Variants in SGMS1 observed in about 807,000 individuals in gnomAD.
The protein encoded by SGMS1 is phosphatidylcholine:ceramide cholinephosphotransferase 1.
SGMS1 carries 13 observed loss-of-function variants against 46.2 expected under a neutral mutation model. The ratio of observed to expected loss-of-function variants is 0.28; its 90% confidence interval spans 0.18 to 0.45. The LOEUF (loss-of-function observed/expected upper bound fraction) is 0.45. Ranked by LOEUF, SGMS1 falls within the 20% of genes least tolerant of loss-of-function variation. The probability of loss-of-function intolerance (pLI) is 1.00; values close to 1 mark genes in which losing one functional copy is unlikely to be tolerated. For missense variants in SGMS1, 324 were observed against 519.9 expected, an observed-to-expected ratio of 0.62 and a Z score of 3.66; for synonymous variants, 203 against 187.8, an observed-to-expected ratio of 1.08 and a Z score of -0.66.
intron 6 of SGMS1, among the ~76,000 whole-genome samples, chr10:50,403,746 A>G (rs1426926060): frequency 6.7e-6 from 1 of 148,338 alleles, no homozygotes; most frequent in Admixed American, 6.9e-5. Context: ...GGACACCAAC[A>G]TCTAGTATGT....
chr10:50,399,949 A>G (rs150451496), intron 6 of SGMS1, among the ~76,000 whole-genome samples: 1 of 151,918 alleles, frequency 6.6e-6, no homozygotes, highest in East Asian at 1.9e-4. Context: ...AAATGGCATG[A>G]ACCTAGGAGG....
chr10:50,455,794 G>T (rs1311726596), intron 5 of SGMS1, among the ~76,000 whole-genome samples: 1 of 152,130 alleles, frequency 6.6e-6, no homozygotes, highest in African/African-American at 2.4e-5. Flanking sequence ...CTTCCTACTG[G>T]GTAATCCACA....
At chr10:50,447,465 A>G (rs143365522) in intron 5 of SGMS1, among the ~76,000 whole-genome samples, 2,215 of 152,280 alleles carry the variant, frequency 0.015, 30 homozygotes, top group Non-Finnish European at 0.021. Flanking sequence ...AACACTTAAT[A>G]CTGATAAATA....
At chr10:50,553,408 CA>C (rs1384475635) in intron 2 of SGMS1, among the ~76,000 whole-genome samples, 1 of 151,840 alleles carries the variant, frequency 6.6e-6, no homozygotes, top group African/African-American at 2.4e-5. Context: ...AGACCATGCA[CA>C]AAAAGTACTT....
At position 50,579,259 on chromosome 10, in the gene SGMS1, G is replaced by A. The variant is rs138519100; in HGVS notation, c.-589+10894C>T. 2.9e-3 allele frequency among the ~76,000 whole-genome samples: 444 copies of A among 152,144 alleles called. 1 individual carries two copies. Among genetic ancestry groups the A allele is most frequent in the African/African-American group, 9.9e-3 (410 of 41,514 alleles). ...AAGAATACAGCTAAAAAGCAGATGC[G>A]GAAAGCAGAAGAAAAGGTAAGGCTG... On this transcript the variant is annotated intron_variant, in intron 2 of 10. Coordinates refer to ENST00000361781, the MANE Select transcript of SGMS1 (RefSeq NM_147156.4).
chr10:50,540,529 A>G (rs555055869), intron 2 of SGMS1, among the ~76,000 whole-genome samples: 3 of 152,362 alleles, frequency 2.0e-5, no homozygotes, highest in East Asian at 1.9e-4. Context: ...ATGTCATGCA[A>G]TAAGGTGGTT....
At chr10:50,337,754 C>A (rs1378407698) in intron 7 of SGMS1, among the ~76,000 whole-genome samples, 13 of 151,614 alleles carry the variant, frequency 8.6e-5, no homozygotes, top group Admixed American at 8.6e-4. Flanking sequence ...AAAGATTATG[C>A]TTGGAAATTA....
chr10:50,332,814 CAG>C (rs1299004400), intron 7 of SGMS1, among the ~76,000 whole-genome samples: 3 of 151,966 alleles, frequency 2.0e-5, no homozygotes, highest in East Asian at 3.9e-4. Flanking sequence ...TCTGTAAAGA[CAG>C]GGTCTTGCCA....
chr10:50,498,083 G>A (rs1351160073), intron 3 of SGMS1, among the ~76,000 whole-genome samples: 2 of 152,196 alleles, frequency 1.3e-5, no homozygotes, highest in African/African-American at 4.8e-5. Flanking sequence ...AAGACAAGAT[G>A]AAGAGAACAC....
chr10:50,365,296 T>C (rs1478441293), intron 6 of SGMS1, among the ~76,000 whole-genome samples: 3 of 112,504 alleles, frequency 2.7e-5, no homozygotes, highest in Admixed American at 9.6e-5. Flanking sequence ...ATTTAAAGTA[T>C]GTTTTTGGTT....
chr10:50,344,392 C>G (rs1387627230), intron 6 of SGMS1, 47 bp from the exon 7 acceptor site: 1 of 393,166 alleles, frequency 2.5e-6, no homozygotes, highest in East Asian at 4.1e-5. Context: ...TCCAAATTAC[C>G]CCTCTCAAAA....
intron 1 of SGMS1, among the ~76,000 whole-genome samples, chr10:50,611,898 G>C (rs1457915171): frequency 6.6e-6 from 1 of 151,984 alleles, no homozygotes; most frequent in African/African-American, 2.4e-5. Context: ...TCCAACTCCT[G>C]CCTAAACTGT....
intron 6 of SGMS1, among the ~76,000 whole-genome samples, chr10:50,396,540 T>C (rs976608665): frequency 1.3e-5 from 2 of 152,174 alleles, no homozygotes; most frequent in African/African-American, 4.8e-5. Context: ...TAGTTACAAA[T>C]AGAAAGAATT....
intron 6 of SGMS1, among the ~76,000 whole-genome samples, chr10:50,372,583 A>C (rs1414691595): frequency 6.6e-6 from 1 of 152,028 alleles, no homozygotes; most frequent in Non-Finnish European, 1.5e-5. Flanking sequence ...AGTCCCAGCT[A>C]CTCGGAGGCT....
intron 2 of SGMS1, among the ~76,000 whole-genome samples, chr10:50,574,871 A>AT (rs1838366605): frequency 6.6e-6 from 1 of 151,252 alleles, no homozygotes; most frequent in African/African-American, 2.4e-5. Flanking sequence ...ACACCACATC[A>AT]TATGTATTGA....
At chr10:50,362,106 T>C (rs1848258466) in intron 6 of SGMS1, among the ~76,000 whole-genome samples, 1 of 152,202 alleles carries the variant, frequency 6.6e-6, no homozygotes, top group Non-Finnish European at 1.5e-5. Flanking sequence ...CCTAATTAAA[T>C]GAGAATGCAA....
upstream of SGMS1, chr10:50,624,269 G>A (rs556135949): frequency 9.8e-4 from 345 of 351,152 alleles, 1 homozygote; most frequent in South Asian, 1.5e-3. Context: ...CAGGGCCGGA[G>A]ACGGGAGCCG....
chr10:50,328,487 T>G (rs1308910638), intron 7 of SGMS1, among the ~76,000 whole-genome samples: 1 of 152,226 alleles, frequency 6.6e-6, no homozygotes, highest in African/African-American at 2.4e-5. Flanking sequence ...ATTTGTTTCA[T>G]GTGTATTTTC....
At position 50,311,287 on chromosome 10, in the gene SGMS1, T is replaced by C. The variant is rs758144605; in HGVS notation, c.870A>G (p.Thr290=). 3.0e-5 allele frequency: 49 copies of C among 1,613,696 alleles called. No individual in the cohort carries two copies. Among genetic ancestry groups the C allele is most frequent in the Non-Finnish European group, 4.0e-5 (47 of 1,179,822 alleles). The change falls in exon 9 of 11, where the codon ACA becomes ACG. Residue 290 remains threonine (T), a synonymous_variant. Coordinates refer to ENST00000361781, the MANE Select transcript of SGMS1 (RefSeq NM_147156.4). ...YLYSGHTVML[T]LTYLFIKEYS... is the part of the protein sequence containing the mutation. ...ACTCTTTGATAAATAAGTAGGTAAG[T>C]GTTAGCATGACCGTGTGGCCGCTGT...
Sources: gnomAD v4.1 joint callset for allele counts (sites outside exome capture counted in the v4.1 genomes callset) on GRCh38, gnomAD v4.1.1 for gene constraint, MANE v1.5 for transcripts, NCBI Gene and HGNC (gene_info 2026-07-23, HGNC 2026-07-21) for gene names.